BCKDHB: variants seen among roughly 807,000 people sequenced by gnomAD.
BCKDHB encodes the protein 2-oxoisovalerate dehydrogenase subunit beta, mitochondrial.
Under a neutral mutation model 48.5 loss-of-function variants are expected in BCKDHB, and 41 were observed. That is an observed-to-expected ratio of 0.85 (90% CI 0.66 to 1.10). BCKDHB has a LOEUF of 1.10. Among genes scored for constraint, BCKDHB ranks in the 50% least tolerant of loss-of-function variants. The pLI, the probability that BCKDHB is intolerant of heterozygous loss-of-function variation, is 0.00. For missense variants in BCKDHB, 496 were observed against 494.2 expected (o/e 1.00, Z -0.03); for synonymous variants, 201 against 174.8 (o/e 1.15, Z -1.18).
At chr6:80,222,693 A>G (rs1296104107) in intron 8 of BCKDHB, among the ~76,000 whole-genome samples, 1 of 151,874 alleles carries the variant, frequency 6.6e-6, no homozygotes, top group Non-Finnish European at 1.5e-5. Flanking sequence ...TAGTGTTGTA[A>G]TTTTTAATAT....
the BCKDHB span, among the ~76,000 whole-genome samples, chr6:80,434,469 T>C: frequency 6.6e-6 from 1 of 152,002 alleles, no homozygotes; most frequent in African/African-American, 2.4e-5. Flanking sequence ...TTTTTATTGA[T>C]TTTTCTGTTT....
the BCKDHB span, among the ~76,000 whole-genome samples, chr6:80,398,425 A>G: frequency 2.0e-5 from 3 of 152,320 alleles, no homozygotes; most frequent in South Asian, 2.1e-4. Flanking sequence ...AATACAAATA[A>G]CCATCAGAGA....
intron 8 of BCKDHB, among the ~76,000 whole-genome samples, chr6:80,271,064 G>A (rs16891612): frequency 0.014 from 2,163 of 152,054 alleles, 42 homozygotes; most frequent in African/African-American, 0.049. Flanking sequence ...TGCATTGCTC[G>A]GGAGAAACTA....
At chr6:80,302,413 C>T (rs993104473) in intron 9 of BCKDHB, among the ~76,000 whole-genome samples, 1 of 151,970 alleles carries the variant, frequency 6.6e-6, no homozygotes, top group African/African-American at 2.4e-5. Flanking sequence ...TTTTTTCTTA[C>T]AAATTTTTGC....
chr6:80,398,217 GAAATAT>G, the BCKDHB span, among the ~76,000 whole-genome samples: 23 of 150,864 alleles, frequency 1.5e-4, no homozygotes, highest in African/African-American at 5.4e-4. Flanking sequence ...CAGAAGACAG[GAAATAT>G]CAAAACCAGA....
At chr6:80,125,849 A>C (rs571391164) in intron 1 of BCKDHB, among the ~76,000 whole-genome samples, 1 of 152,300 alleles carries the variant, frequency 6.6e-6, no homozygotes, top group African/African-American at 2.4e-5. Flanking sequence ...ATGTAATAGT[A>C]ATGAAAAAGT....
At chr6:80,301,925 CA>C (rs531722406) in intron 9 of BCKDHB, among the ~76,000 whole-genome samples, 3 of 151,618 alleles carry the variant, frequency 2.0e-5, no homozygotes, top group Non-Finnish European at 2.9e-5. Flanking sequence ...TCAGTAGATG[CA>C]AAAAAAACTT....
intron 3 of BCKDHB, among the ~76,000 whole-genome samples, chr6:80,138,075 C>T (rs1235756426): frequency 1.3e-5 from 2 of 151,938 alleles, no homozygotes; most frequent in Non-Finnish European, 2.9e-5. Flanking sequence ...GAAGGAGACC[C>T]AGACTCTAAA....
chr6:80,144,591 CA>C (rs2127745985), intron 3 of BCKDHB, among the ~76,000 whole-genome samples: 1 of 152,226 alleles, frequency 6.6e-6, no homozygotes, highest in Admixed American at 6.5e-5. Context: ...ATCTCTTAGA[CA>C]CTTGTAAGCA....
chr6:80,119,037 C>T (rs1204681744), intron 1 of BCKDHB, among the ~76,000 whole-genome samples: 2 of 152,126 alleles, frequency 1.3e-5, no homozygotes, highest in Non-Finnish European at 2.9e-5. Context: ...CGCGTGTAGT[C>T]CTACCACTTT....
At chr6:80,314,928 G>GT (rs1249551859) in intron 9 of BCKDHB, among the ~76,000 whole-genome samples, 1 of 152,162 alleles carries the variant, frequency 6.6e-6, no homozygotes, top group Non-Finnish European at 1.5e-5. Flanking sequence ...CATCCAGACC[G>GT]TTTGTACTCT....
intron 9 of BCKDHB, among the ~76,000 whole-genome samples, chr6:80,310,534 G>T (rs1236138503): frequency 4.6e-5 from 7 of 152,136 alleles, no homozygotes; most frequent in Non-Finnish European, 1.0e-4. Context: ...CCATGTGTTT[G>T]CTATTGTGAA....
At chr6:80,346,841 G>A (rs1025168238), downstream of BCKDHB, among the ~76,000 whole-genome samples, 1 of 151,830 alleles carries the variant, frequency 6.6e-6, no homozygotes, top group African/African-American at 2.4e-5. Flanking sequence ...TCTAAATAAC[G>A]AATCCTCCAG....
chr6:80,387,262 A>G, the BCKDHB span, among the ~76,000 whole-genome samples: 1 of 152,172 alleles, frequency 6.6e-6, no homozygotes, highest in Non-Finnish European at 1.5e-5. Context: ...GCATAGACAT[A>G]CTTAACAGCT....
chr6:80,106,661 T>C (rs779370324), upstream of BCKDHB: 1 of 1,545,852 alleles, frequency 6.5e-7, no homozygotes, highest in South Asian at 1.2e-5. Context: ...GGCGTGCGGC[T>C]GCATAGCCTG....
intron 3 of BCKDHB, among the ~76,000 whole-genome samples, chr6:80,146,181 C>T (rs1771478694): frequency 6.6e-6 from 1 of 152,028 alleles, no homozygotes; most frequent in Non-Finnish European, 1.5e-5. Context: ...AATGTGCGGC[C>T]AAGTTTGAGA....
chr6:80,160,091 G>A (rs1313512815), intron 3 of BCKDHB, among the ~76,000 whole-genome samples: 1 of 152,214 alleles, frequency 6.6e-6, no homozygotes, highest in Non-Finnish European at 1.5e-5. Context: ...AATGTCTAGG[G>A]ACAGAAGAAA....
the BCKDHB span, among the ~76,000 whole-genome samples, chr6:80,422,153 C>T: frequency 2.0e-5 from 3 of 152,166 alleles, no homozygotes; most frequent in African/African-American, 7.2e-5. Flanking sequence ...TACCCTGCAT[C>T]CCAGCTGCTC....
At chr6:80,264,200 T>A (rs1165900853) in intron 8 of BCKDHB, among the ~76,000 whole-genome samples, 1 of 152,226 alleles carries the variant, frequency 6.6e-6, no homozygotes, top group Non-Finnish European at 1.5e-5. Flanking sequence ...TGGCAACATA[T>A]ATAGTACAAC....
Sources: gnomAD v4.1 joint callset for allele counts (sites outside exome capture counted in the v4.1 genomes callset) on GRCh38, gnomAD v4.1.1 for gene constraint, MANE v1.5 for transcripts, NCBI Gene and HGNC (gene_info 2026-07-23, HGNC 2026-07-21) for gene names.